The following SEMA3D variants were observed in gnomAD, a reference collection of about 807,000 sequenced individuals.
The protein encoded by SEMA3D is semaphorin 3D.
In SEMA3D, 84 loss-of-function variants were observed where a neutral mutation model predicts 100.1. That is an observed-to-expected ratio of 0.84 (90% CI 0.70 to 1.01). The LOEUF (loss-of-function observed/expected upper bound fraction) is 1.01, where lower values mean the gene tolerates loss of function less well. Among genes scored for constraint, SEMA3D ranks in the 50% least tolerant of loss-of-function variants. SEMA3D has a pLI of 0.00. For missense variants in SEMA3D, 875 were observed against 934.1 expected (o/e 0.94, Z 0.82); for synonymous variants, 312 against 320.7 (o/e 0.97, Z 0.29).
At chr7:85,189,371 C>T (rs537805422), upstream of SEMA3D, among the ~76,000 whole-genome samples, 18 of 152,164 alleles carry the variant, frequency 1.2e-4, no homozygotes, top group South Asian at 3.7e-3. Context: ...GTTTTAACAA[C>T]CCTTTCTAAG....
At chr7:85,243,770 CATT>C in the SEMA3D span, among the ~76,000 whole-genome samples, 1 of 152,258 alleles carries the variant, frequency 6.6e-6, no homozygotes, top group Admixed American at 6.5e-5. Context: ...TTCAGGAACT[CATT>C]ATATTGGAAA....
Position 84,999,402 on chromosome 7 carries a change from A to G in SEMA3D, c.*38T>C, listed in dbSNP as rs550591831. On this transcript the variant is annotated 3_prime_UTR_variant, in exon 19 of 19. Coordinates refer to ENST00000284136, the MANE Select transcript of SEMA3D (RefSeq NM_001384900.1). Reference sequence around the variant, plus strand: ...ATACAAAACAGAAGGCAATGTTTTTATAGGTAAGGAATTCTTTTCTTTAAA... The same window carrying G: ...ATACAAAACAGAAGGCAATGTTTTTGTAGGTAAGGAATTCTTTTCTTTAAA... The G allele has an allele frequency of 3.9e-6, 6 of 1,533,374 alleles. No individual in the cohort carries two copies. The Admixed American group carries it at 8.7e-5, about 22-fold the overall frequency. The allele number at this position is 1,533,374 out of a possible 1,614,324, so 95.0% of individuals were successfully genotyped here. A position where few individuals can be genotyped will look rare whatever the true frequency, so the allele number is the denominator to read the frequency against.
intron 1 of SEMA3D, among the ~76,000 whole-genome samples, chr7:85,181,344 ACAC>A (rs1562847446): frequency 0.037 from 5,070 of 137,444 alleles, 311 homozygotes; most frequent in African/African-American, 0.13. Context: ...ACACACACAC[ACAC>A]ACACACACAC....
rs1282885966 is a variant in SEMA3D at position 85,006,807 on chromosome 7, C to G, written c.1903G>C (p.Glu635Gln). The G allele has an allele frequency of 6.3e-7, 1 of 1,590,930 alleles. No individual in the cohort carries two copies. The highest frequency in any genetic ancestry group is 2.3e-5 in the East Asian group (1 of 44,046). The change falls in exon 18 of 19, where the codon GAG (glutamate) becomes CAG (glutamine). Residue 635 changes from glutamate (E) to glutamine (Q), a missense_variant. Transcript: ENST00000284136. ...YIQRSGDEHR[E>Q]ELKPDERIIK... ...CTTTGATGACAACAGCTTACCTCCT[C>G]TCGATGCTCATCCCCTGACCTCTGG...
chr7:85,118,160 T>A (rs1041131574), intron 3 of SEMA3D, among the ~76,000 whole-genome samples: 23 of 152,234 alleles, frequency 1.5e-4, no homozygotes, highest in Middle Eastern at 3.4e-3. Flanking sequence ...AAGTTTTTAA[T>A]TTCAGATATA....
At chr7:85,019,759 C>A (rs73713920) in intron 14 of SEMA3D, among the ~76,000 whole-genome samples, 1 of 151,360 alleles carries the variant, frequency 6.6e-6, no homozygotes, top group Admixed American at 6.6e-5. Context: ...CTCTTTTTGC[C>A]GGGTGAGAGG....
the SEMA3D span, among the ~76,000 whole-genome samples, chr7:85,228,415 T>C: frequency 6.6e-6 from 1 of 152,272 alleles, no homozygotes; most frequent in African/African-American, 2.4e-5. Flanking sequence ...ATGGTATGTT[T>C]ATTAAAAAAC....
intron 11 of SEMA3D, among the ~76,000 whole-genome samples, chr7:85,039,022 C>G (rs370197832): frequency 6.6e-6 from 1 of 152,124 alleles, no homozygotes. Flanking sequence ...GCAGTAAGAC[C>G]TTTTCTTCAG....
chr7:85,196,649 T>C, the SEMA3D span, among the ~76,000 whole-genome samples: 7 of 152,252 alleles, frequency 4.6e-5, no homozygotes, highest in Non-Finnish European at 8.8e-5. Flanking sequence ...GAATAAAGAC[T>C]AGAAAAGACT....
At chr7:85,191,979 T>C (rs2116605235), upstream of SEMA3D, among the ~76,000 whole-genome samples, 1 of 152,302 alleles carries the variant, frequency 6.6e-6, no homozygotes, top group East Asian at 1.9e-4. Flanking sequence ...GTGCCTCTAC[T>C]ATTTCTTTGA....
intron 8 of SEMA3D, among the ~76,000 whole-genome samples, chr7:85,061,733 T>G (rs1180479431): frequency 6.6e-6 from 1 of 152,176 alleles, no homozygotes; most frequent in Non-Finnish European, 1.5e-5. Context: ...ATTTCTACAA[T>G]TTCTCCCCTT....
intron 2 of SEMA3D, among the ~76,000 whole-genome samples, chr7:85,148,884 G>C (rs1033667111): frequency 6.6e-6 from 1 of 152,000 alleles, no homozygotes; most frequent in Non-Finnish European, 1.5e-5. Flanking sequence ...CTTAGTATTT[G>C]AGAAACTTTC....
chr7:85,129,416 G>A (rs987032423), intron 2 of SEMA3D, among the ~76,000 whole-genome samples: 2 of 151,896 alleles, frequency 1.3e-5, no homozygotes, highest in African/African-American at 4.8e-5. Context: ...AATATTTACT[G>A]AAAAAAATTA....
chr7:85,072,936 C>T (rs776827797), intron 6 of SEMA3D, 26 bp downstream of exon 6: 3 of 1,557,490 alleles, frequency 1.9e-6, no homozygotes, highest in East Asian at 2.3e-5. Flanking sequence ...ATAAATTATG[C>T]TTTTCATGCT....
Position 85,022,553 on chromosome 7 carries a change from T to C in SEMA3D, c.1252A>G (p.Ile418Val). 1 of 1,612,562 alleles carries C rather than the reference T, an allele frequency of 6.2e-7. No individual in the cohort carries two copies. Among genetic ancestry groups the C allele is most frequent in the East Asian group, 2.2e-5 (1 of 44,798 alleles). ...ACAGAGTGCCGCTTTATGAAACTGA[T>C]GACATCATCTGGAAAATCTCGGGTG... is the stretch of plus-strand genomic sequence containing the variant. ...KSTRDFPDDV[I>V]SFIKRHSVMY... The change falls in exon 13 of 19, where the codon ATC becomes GTC. Residue 418 changes from isoleucine (I) to valine (V), a missense_variant. Ile to Val is a conservative substitution (Grantham distance 29). Transcript: ENST00000284136.
intron 1 of SEMA3D, among the ~76,000 whole-genome samples, chr7:85,174,791 T>A (rs562304393): frequency 6.6e-6 from 1 of 152,062 alleles, no homozygotes; most frequent in South Asian, 2.1e-4. Flanking sequence ...TTGGTGGCAA[T>A]AAAATATATA....
At chr7:85,209,198 A>C in the SEMA3D span, among the ~76,000 whole-genome samples, 6 of 152,022 alleles carry the variant, frequency 3.9e-5, no homozygotes, top group African/African-American at 1.4e-4. Context: ...ATAAATGGTA[A>C]ACTACCATTT....
chr7:85,144,415 G>A, intron 2 of SEMA3D: 1 of 964,194 alleles, frequency 1.0e-6, no homozygotes, highest in Non-Finnish European at 1.2e-6. Flanking sequence ...TGAAACTAAA[G>A]CAAGATGTAA....
the SEMA3D span, among the ~76,000 whole-genome samples, chr7:85,242,413 T>A: frequency 3.5e-4 from 54 of 152,348 alleles, no homozygotes; most frequent in Middle Eastern, 0.01. Context: ...GTCTCTGAGA[T>A]ATTTTTTATT....
Sources: gnomAD v4.1 joint callset for allele counts (sites outside exome capture counted in the v4.1 genomes callset) on GRCh38, gnomAD v4.1.1 for gene constraint, MANE v1.5 for transcripts, NCBI Gene and HGNC (gene_info 2026-07-23, HGNC 2026-07-21) for gene names.